Variants in TMEM163 observed in about 807,000 individuals in gnomAD.
The protein encoded by TMEM163 is transmembrane protein 163.
In TMEM163, 17 loss-of-function variants were observed where a neutral mutation model predicts 29.3. That is an observed-to-expected ratio of 0.58 (90% CI 0.40 to 0.87). The LOEUF is 0.87. Ranked by LOEUF, TMEM163 falls within the 40% of genes least tolerant of loss-of-function variation. TMEM163 has a pLI of 0.00. For missense variants in TMEM163, 303 were observed against 381.5 expected (o/e 0.79, Z 1.71); for synonymous variants, 157 against 160.6 (o/e 0.98, Z 0.17).
intron 5 of TMEM163, among the ~76,000 whole-genome samples, chr2:134,494,673 C>G (rs1471692921): frequency 6.6e-6 from 1 of 152,240 alleles, no homozygotes; most frequent in East Asian, 1.9e-4. Context: ...ATATGCTAAG[C>G]ACATCCCCTA....
intron 4 of TMEM163, among the ~76,000 whole-genome samples, chr2:134,535,119 A>C (rs1279953250): frequency 6.6e-6 from 1 of 152,228 alleles, no homozygotes; most frequent in Non-Finnish European, 1.5e-5. Flanking sequence ...CTATAGAAAC[A>C]TGGTTTTTCC....
At chr2:134,629,937 T>G (rs1357205344) in intron 2 of TMEM163, among the ~76,000 whole-genome samples, 1 of 152,172 alleles carries the variant, frequency 6.6e-6, no homozygotes, top group African/African-American at 2.4e-5. Context: ...AACAGCTACA[T>G]CTAAGCAGCT....
chr2:134,607,785 TG>T (rs1244580293), intron 2 of TMEM163, among the ~76,000 whole-genome samples: 114 of 47,398 alleles, frequency 2.4e-3, no homozygotes, highest in African/African-American at 0.011. Context: ...CCCCGAGAAC[TG>T]TACTGGTGAA....
intron 2 of TMEM163, among the ~76,000 whole-genome samples, chr2:134,611,527 T>C (rs1179885041): frequency 2.6e-5 from 4 of 152,148 alleles, no homozygotes; most frequent in East Asian, 3.9e-4. Flanking sequence ...GTGCAGACAA[T>C]TGACCTAGTC....
intron 4 of TMEM163, among the ~76,000 whole-genome samples, chr2:134,510,750 G>A (rs895342056): frequency 2.0e-5 from 3 of 152,208 alleles, no homozygotes; most frequent in Non-Finnish European, 4.4e-5. Flanking sequence ...CAAGCTTAAG[G>A]AAGGTCTGGA....
intron 2 of TMEM163, among the ~76,000 whole-genome samples, chr2:134,559,421 A>G (rs1300234156): frequency 2.0e-5 from 3 of 152,238 alleles, no homozygotes; most frequent in Non-Finnish European, 2.9e-5. Flanking sequence ...AGCAAATTAC[A>G]AAAAGCTGTA....
At chr2:134,632,635 G>T (rs1433873529) in intron 2 of TMEM163, among the ~76,000 whole-genome samples, 1 of 152,226 alleles carries the variant, frequency 6.6e-6, no homozygotes, top group Non-Finnish European at 1.5e-5. Flanking sequence ...GTCCTCAAAG[G>T]GTGGAAGGAG....
chr2:134,658,691 G>A (rs1413554037), intron 2 of TMEM163, among the ~76,000 whole-genome samples: 1 of 151,988 alleles, frequency 6.6e-6, no homozygotes, highest in African/African-American at 2.4e-5. Context: ...TCTGCCTCCC[G>A]GGTTCAAGCC....
chr2:134,539,155 G>A (rs1472008406), intron 4 of TMEM163, among the ~76,000 whole-genome samples: 3 of 152,102 alleles, frequency 2.0e-5, no homozygotes, highest in Non-Finnish European at 4.4e-5. Context: ...AAGTGGGTAG[G>A]AACGATGATA....
At chr2:134,618,475 C>T (rs1490850345) in intron 2 of TMEM163, among the ~76,000 whole-genome samples, 1 of 152,034 alleles carries the variant, frequency 6.6e-6, no homozygotes, top group Non-Finnish European at 1.5e-5. Flanking sequence ...CTATGATTTC[C>T]TTTCTCAATA....
intron 2 of TMEM163, among the ~76,000 whole-genome samples, chr2:134,601,368 C>T (rs1019874493): frequency 6.6e-6 from 1 of 152,180 alleles, no homozygotes; most frequent in African/African-American, 2.4e-5. Flanking sequence ...ACACAAGAAA[C>T]GATCGTGGGA....
intron 5 of TMEM163, among the ~76,000 whole-genome samples, chr2:134,481,191 A>C (rs192476048): frequency 4.0e-4 from 61 of 152,222 alleles, no homozygotes; most frequent in Admixed American, 1.2e-3. Flanking sequence ...ATCATCCTGG[A>C]GTCTTACTCT....
intron 1 of TMEM163, among the ~76,000 whole-genome samples, chr2:134,716,711 T>C (rs1405687686): frequency 1.3e-5 from 2 of 151,976 alleles, no homozygotes; most frequent in Non-Finnish European, 2.9e-5. Flanking sequence ...AAAATCAATA[T>C]TGGAAAAATG....
chr2:134,630,688 C>T (rs897055250), intron 2 of TMEM163, among the ~76,000 whole-genome samples: 1 of 152,188 alleles, frequency 6.6e-6, no homozygotes, highest in Non-Finnish European at 1.5e-5. Context: ...GGTCCTCTCC[C>T]CTGGGCCCCT....
chr2:134,574,369 G>A (rs1681498697), intron 2 of TMEM163, among the ~76,000 whole-genome samples: 1 of 152,170 alleles, frequency 6.6e-6, no homozygotes, highest in African/African-American at 2.4e-5. Flanking sequence ...AGACCAGCCT[G>A]GGCAACATGG....
intron 1 of TMEM163, among the ~76,000 whole-genome samples, chr2:134,716,773 T>C (rs1218134868): frequency 2.6e-5 from 4 of 152,174 alleles, no homozygotes; most frequent in African/African-American, 9.6e-5. Context: ...AATCTTACAG[T>C]AAACCTCCCC....
At chr2:134,635,863 C>T (rs1251347599) in intron 2 of TMEM163, among the ~76,000 whole-genome samples, 1 of 152,036 alleles carries the variant, frequency 6.6e-6, no homozygotes, top group African/African-American at 2.4e-5. Context: ...TGGGTGTGGA[C>T]ACATACTCGA....
chr2:134,629,429 C>A (rs2104830888), intron 2 of TMEM163, among the ~76,000 whole-genome samples: 1 of 152,150 alleles, frequency 6.6e-6, no homozygotes, highest in East Asian at 1.9e-4. Context: ...ATATAACAAG[C>A]ATGTAACAGT....
intron 2 of TMEM163, among the ~76,000 whole-genome samples, chr2:134,649,778 C>G (rs145663503): frequency 6.6e-6 from 1 of 152,046 alleles, no homozygotes; most frequent in Non-Finnish European, 1.5e-5. Context: ...TTTTGGGAGG[C>G]TGAAGCGGGT....
Sources: allele counts gnomAD v4.1 joint callset (sites outside exome capture counted in the v4.1 genomes callset), GRCh38; gene constraint gnomAD v4.1.1; transcripts MANE v1.5; gene names NCBI Gene and HGNC (gene_info 2026-07-23, HGNC 2026-07-21).